THSD7B: variants seen among roughly 807,000 people sequenced by gnomAD.
THSD7B encodes the protein thrombospondin type-1 domain-containing protein 7B.
Under a neutral mutation model 213.6 loss-of-function variants are expected in THSD7B, and 138 were observed. That is an observed-to-expected ratio of 0.65 (90% CI 0.56 to 0.74). THSD7B has a LOEUF of 0.74. THSD7B is among the 30% of genes least tolerant of loss of function. The pLI is 0.00. For missense variants in THSD7B, 1,931 were observed against 1,991.5 expected (o/e 0.97, Z 0.58); for synonymous variants, 742 against 687.0 (o/e 1.08, Z -1.25).
chr2:137,302,206 G>A (rs573094063), intron 12 of THSD7B, among the ~76,000 whole-genome samples: 1 of 152,220 alleles, frequency 6.6e-6, no homozygotes, highest in South Asian at 2.1e-4. Flanking sequence ...GACTGAATGA[G>A]ATCATGGAGG....
intron 1 of THSD7B, among the ~76,000 whole-genome samples, chr2:136,789,697 T>G (rs962873050): frequency 6.6e-6 from 1 of 152,090 alleles, no homozygotes; most frequent in Non-Finnish European, 1.5e-5. Context: ...ATGTGACATT[T>G]ATGGGAGTAC....
At chr2:136,998,955 CA>C (rs1322095743) in intron 2 of THSD7B, among the ~76,000 whole-genome samples, 88 of 141,774 alleles carry the variant, frequency 6.2e-4, no homozygotes, top group Non-Finnish European at 1.0e-3. Flanking sequence ...CACACACACA[CA>C]CACCCCTGCT....
chr2:137,474,762 C>G (rs1159229442), intron 15 of THSD7B, among the ~76,000 whole-genome samples: 3 of 152,178 alleles, frequency 2.0e-5, no homozygotes, highest in African/African-American at 7.2e-5. Context: ...CAAGATTAAA[C>G]TCTCATAATC....
intron 1 of THSD7B, among the ~76,000 whole-genome samples, chr2:136,794,603 G>GA (rs1682027806): frequency 6.6e-6 from 1 of 151,888 alleles, no homozygotes; most frequent in Non-Finnish European, 1.5e-5. Flanking sequence ...TTTGCTTTAT[G>GA]ACCAAATGCA....
intron 2 of THSD7B, among the ~76,000 whole-genome samples, chr2:136,925,022 C>A (rs1469533044): frequency 6.6e-6 from 1 of 152,064 alleles, no homozygotes; most frequent in Non-Finnish European, 1.5e-5. Context: ...GATTTTGTAT[C>A]CTGCAACTTT....
Position 137,122,459 on chromosome 2 carries a change from A to G in THSD7B, c.1369+7166A>G, listed in dbSNP as rs1453756624. Among the ~76,000 whole-genome samples, 4 of 152,180 alleles carry G rather than the reference A, an allele frequency of 2.6e-5. No homozygotes were observed. The East Asian group carries it at 7.7e-4, about 29-fold the overall frequency. ...TCATATGAAAGGGACAGAATCCCAG[A>G]GGAAGCAGGCCATGTGTAAAGACAC... On this transcript the variant is annotated intron_variant, in intron 5 of 27. Transcript: ENST00000409968.
rs182460137 is a variant in THSD7B at position 136,789,251 on chromosome 2, T to C, written c.-36+23564T>C. Among the ~76,000 whole-genome samples the C allele has an allele frequency of 4.6e-3, 703 of 152,202 alleles. 6 individuals carry two copies. Among genetic ancestry groups the C allele is most frequent in the Non-Finnish European group, 7.4e-3 (506 of 67,974 alleles). On this transcript the variant is annotated intron_variant, in intron 1 of 27. Transcript: ENST00000409968. Reference sequence around the variant, plus strand: ...TTCTGTCCTTAGCAAAAAGTAATTGTCTTTTTAACATGAAAAAGGTGAATG... The same window carrying C: ...TTCTGTCCTTAGCAAAAAGTAATTGCCTTTTTAACATGAAAAAGGTGAATG...
At chr2:137,425,480 G>A (rs1687033475) in intron 14 of THSD7B, among the ~76,000 whole-genome samples, 1 of 152,136 alleles carries the variant, frequency 6.6e-6, no homozygotes, top group African/African-American at 2.4e-5. Flanking sequence ...GCCTCCCAAA[G>A]TGTTGGGATT....
chr2:137,508,543 A>ATTTT (rs70978232), intron 15 of THSD7B, among the ~76,000 whole-genome samples: 5 of 132,398 alleles, frequency 3.8e-5, no homozygotes, highest in African/African-American at 1.1e-4. Context: ...TGCCCGGCTA[A>ATTTT]TTTTTTTTTT....
chr2:137,381,296 G>T (rs549199962), intron 12 of THSD7B, among the ~76,000 whole-genome samples: 7 of 152,210 alleles, frequency 4.6e-5, no homozygotes, highest in Non-Finnish European at 1.5e-5. Context: ...CACCAAGAAA[G>T]AATGAACCTT....
chr2:137,389,327 A>C (rs1685966227), intron 12 of THSD7B, among the ~76,000 whole-genome samples: 1 of 146,802 alleles, frequency 6.8e-6, no homozygotes, highest in African/African-American at 2.5e-5. Context: ...ACTATTTTTC[A>C]ATATACCTCT....
intron 3 of THSD7B, among the ~76,000 whole-genome samples, chr2:137,067,504 G>A (rs1687404086): frequency 6.6e-6 from 1 of 151,898 alleles, no homozygotes; most frequent in African/African-American, 2.4e-5. Flanking sequence ...TTTTTCCATT[G>A]TAACCCCCTA....
chr2:137,014,313 A>G (rs1686293039), intron 2 of THSD7B, among the ~76,000 whole-genome samples: 1 of 152,158 alleles, frequency 6.6e-6, no homozygotes, highest in South Asian at 2.1e-4. Flanking sequence ...TCATCAGCCC[A>G]GTGTAATGGG....
At chr2:137,410,268 C>A (rs1202667775) in intron 13 of THSD7B, among the ~76,000 whole-genome samples, 2 of 146,534 alleles carry the variant, frequency 1.4e-5, no homozygotes, top group Non-Finnish European at 3.0e-5. Flanking sequence ...TGCAGAAATT[C>A]TTTTTTTTTT....
chr2:137,164,072 G>A lies in THSD7B; in HGVS notation c.1525+3704G>A, dbSNP rs1680070957. 2.6e-5 allele frequency among the ~76,000 whole-genome samples: 4 copies of A among 152,088 alleles called. No individual in the cohort carries two copies. The South Asian group carries it at 6.2e-4, about 24-fold the overall frequency. ...ATTATGCCTAAGAGCAAATCATTGA[G>A]CAGATGCAGGAGACAAGTTATGGGG... On this transcript the variant is annotated intron_variant, in intron 6 of 27. Coordinates refer to ENST00000409968, the MANE Select transcript of THSD7B (RefSeq NM_001316349.2).
At chr2:136,816,400 C>T (rs1481686172) in intron 1 of THSD7B, among the ~76,000 whole-genome samples, 1 of 152,124 alleles carries the variant, frequency 6.6e-6, no homozygotes, top group Non-Finnish European at 1.5e-5. Context: ...TGGTATCCTG[C>T]TTTAAGAGTA....
intron 7 of THSD7B, among the ~76,000 whole-genome samples, chr2:137,228,855 A>G (rs1252149523): frequency 6.6e-6 from 1 of 152,230 alleles, no homozygotes; most frequent in Non-Finnish European, 1.5e-5. Context: ...CAGTGAGCCC[A>G]TCTATTTTTA....
intron 2 of THSD7B, among the ~76,000 whole-genome samples, chr2:136,884,479 G>T (rs371283445): frequency 6.6e-6 from 1 of 152,168 alleles, no homozygotes; most frequent in Non-Finnish European, 1.5e-5. Context: ...TTTCATATCT[G>T]CCAGGCCTCC....
chr2:137,049,714 A>G (rs762081335), intron 2 of THSD7B, among the ~76,000 whole-genome samples: 3 of 152,212 alleles, frequency 2.0e-5, no homozygotes, highest in African/African-American at 7.2e-5. Context: ...CTCATTTCAC[A>G]TAACAAATAG....
Sources: gnomAD v4.1 joint callset for allele counts (sites outside exome capture counted in the v4.1 genomes callset) on GRCh38, gnomAD v4.1.1 for gene constraint, MANE v1.5 for transcripts, NCBI Gene and HGNC (gene_info 2026-07-23, HGNC 2026-07-21) for gene names.